BCAR1: variants seen among roughly 807,000 people sequenced by gnomAD.
BCAR1 encodes BCAR1 scaffold protein, Cas family member, also known as breast cancer anti-estrogen resistance protein 1.
A neutral mutation model predicts 67.6 loss-of-function variants in BCAR1; 30 were observed. That is an observed-to-expected ratio of 0.44 (90% CI 0.33 to 0.60). The LOEUF (loss-of-function observed/expected upper bound fraction) is 0.60. BCAR1 is among the 20% of genes least tolerant of loss of function. The pLI is 0.02. For missense variants in BCAR1, 1,313 were observed against 1,222.3 expected (o/e 1.07, Z -1.11); for synonymous variants, 626 against 556.7 (o/e 1.12, Z -1.75).
chr16:75,233,997 C>G (rs1597169270), intron 5 of BCAR1, 62 bp from the exon 6 acceptor site: 6 of 1,505,106 alleles, frequency 4.0e-6, no homozygotes, highest in Non-Finnish European at 5.4e-6. Flanking sequence ...CACAGGCCAG[C>G]CCTGTGGCGG....
Position 75,236,980 on chromosome 16 carries a change from T to TG in BCAR1, c.813dup (p.Met272HisfsTer17), listed in dbSNP as rs1220035754. ...CGGCCATTGGGACCCTTGACAGCCA[T>TG]GGGGGGTGTGTCATACACCTGGGGC... On this transcript the variant is annotated frameshift_variant, in exon 4 of 7. Transcript: ENST00000162330. LOFTEE classifies it high-confidence loss of function. 1 of 1,605,800 alleles carries TG rather than the reference T, an allele frequency of 6.2e-7. No homozygotes were observed. The highest frequency in any genetic ancestry group is 1.3e-5 in the African/African-American group (1 of 74,756).
rs140503353 is a variant in BCAR1 at position 75,235,150 on chromosome 16, C to T, written c.1749G>A (p.Ser583=). The part of the protein sequence containing the change: ...LEDLDRLVAC[S]RAVPEDAKQL... ...GCTTGGCGTCCTCGGGCACAGCCCG[C>T]GAGCAGGCCACCAGCCGGTCCAGGT... is the stretch of plus-strand genomic sequence containing the variant. Residue 583 remains serine, a synonymous_variant, in exon 5 of 7, where the codon TCG becomes TCA. Coordinates refer to ENST00000162330, the MANE Select transcript of BCAR1 (RefSeq NM_014567.5). The T allele has an allele frequency of 3.0e-4, 488 of 1,608,780 alleles. No individual in the cohort carries two copies. The highest frequency in any genetic ancestry group is 3.7e-4 in the Admixed American group (22 of 60,006).
intron 1 of BCAR1, among the ~76,000 whole-genome samples, chr16:75,265,504 C>A (rs1363125370): frequency 1.3e-5 from 2 of 151,602 alleles, no homozygotes; most frequent in Non-Finnish European, 2.9e-5. Flanking sequence ...CAGACTCCTG[C>A]CTGGCCCAGC....
Position 75,239,130 on chromosome 16 carries a change from C to A in BCAR1, c.634-1786G>T, listed in dbSNP as rs147990499. 1.0e-5 allele frequency: 10 copies of A among 983,552 alleles called. No individual in the cohort carries two copies. In the East Asian group the frequency reaches 8.0e-4, roughly 78 times the overall value. The allele number at this position is 983,552 out of a possible 1,614,324, so 60.9% of individuals were successfully genotyped here. A position where few individuals can be genotyped will look rare whatever the true frequency, so the allele number is the denominator to read the frequency against. On this transcript the variant is annotated intron_variant, in intron 2 of 6. Coordinates refer to ENST00000162330, the MANE Select transcript of BCAR1 (RefSeq NM_014567.5). ...TGTTTCTGTTAGAAAAACAGAGCAACGCAGCCACCAGGGGGAAAAGCTCTT... is the reference window on the plus strand; with the variant it reads ...TGTTTCTGTTAGAAAAACAGAGCAAAGCAGCCACCAGGGGGAAAAGCTCTT...
upstream of BCAR1, chr16:75,252,220 A>T: frequency 2.0e-6 from 3 of 1,536,548 alleles, no homozygotes; most frequent in Non-Finnish European, 2.6e-6. Flanking sequence ...AGCGCTTTTC[A>T]CGGGCAGCAC....
At chr16:75,241,143 CGT>C (rs2077325141) in intron 2 of BCAR1, among the ~76,000 whole-genome samples, 2 of 152,276 alleles carry the variant, frequency 1.3e-5, no homozygotes, top group Admixed American at 6.5e-5. Context: ...TGGACGTACA[CGT>C]GTCTGTGTGT....
chr16:75,234,799 G>A, intron 5 of BCAR1, 90 bp downstream of exon 5: 1 of 1,493,784 alleles, frequency 6.7e-7, no homozygotes. Context: ...CCTTGCCAGG[G>A]ACCAGGCCCC....
chr16:75,246,113 G>C (rs544399102), intron 1 of BCAR1: 2 of 151,480 alleles, frequency 1.3e-5, no homozygotes, highest in African/African-American at 4.9e-5. Context: ...CAAGTAGCTA[G>C]GACTACAGGC....
chr16:75,255,690 C>G (rs559241047), upstream of BCAR1, among the ~76,000 whole-genome samples: 38 of 141,548 alleles, frequency 2.7e-4, no homozygotes, highest in Non-Finnish European at 4.9e-4. Context: ...GGCTCCATCT[C>G]AAAAAAAAAA....
chr16:75,232,132 C>A (rs1167407374), intron 6 of BCAR1, among the ~76,000 whole-genome samples: 1 of 151,666 alleles, frequency 6.6e-6, no homozygotes, highest in African/African-American at 2.4e-5. Flanking sequence ...GATCCGCCCG[C>A]CTCGGCACCC....
Position 75,235,245 on chromosome 16 carries a change from G to C in BCAR1, c.1654C>G (p.His552Asp). ...TGACCATGTGCCACCAGCGTCTGGT[G>C]CACGTCCTCCATCTTCTGCAGCTGC... Reference protein sequence around the residue: ...SRQLQKMEDVHQTLVAHGQAL... With the variant: ...SRQLQKMEDVDQTLVAHGQAL... Residue 552 changes from histidine (H) to aspartate (D), a missense_variant, in exon 5 of 7, where the codon CAC becomes GAC. Transcript: ENST00000162330. 6.2e-7 allele frequency: 1 copy of C among 1,606,962 alleles called. No homozygotes were observed. Among genetic ancestry groups the C allele is most frequent in the South Asian group, 1.1e-5 (1 of 90,986 alleles).
At chr16:75,230,329 G>A (rs1042819793) in intron 6 of BCAR1, among the ~76,000 whole-genome samples, 2 of 152,152 alleles carry the variant, frequency 1.3e-5, no homozygotes, top group African/African-American at 4.8e-5. Context: ...CACCGTCCTG[G>A]CTTGGGTACT....
At chr16:75,236,384 T>C (rs951234722) in intron 4 of BCAR1, 7 of 319,320 alleles carry the variant, frequency 2.2e-5, no homozygotes, top group Non-Finnish European at 4.0e-5. Context: ...CACCATCATA[T>C]CATGATTTCA....
At position 75,235,969 on chromosome 16, in the gene BCAR1, T is replaced by C. The variant is rs571705039; in HGVS notation, c.930A>G (p.Pro310=). 213 of 1,574,344 alleles carry C rather than the reference T, an allele frequency of 1.4e-4. No homozygotes were observed. Among genetic ancestry groups the C allele is most frequent in the Non-Finnish European group, 1.7e-4 (192 of 1,159,328 alleles). Residue 310 remains proline, a synonymous_variant, in exon 5 of 7, where the codon CCA becomes CCG. Coordinates refer to ENST00000162330, the MANE Select transcript of BCAR1 (RefSeq NM_014567.5). The part of the protein sequence containing the change: ...SNHHAVYDVP[P]SVSKDVPDGP... ...CATCGGGCACATCCTTGCTCACCGATGGAGGAACGTCGTAGACCTGGGGGA... is the reference window on the plus strand; with the variant it reads ...CATCGGGCACATCCTTGCTCACCGACGGAGGAACGTCGTAGACCTGGGGGA...
chr16:75,251,436 C>G, intron 1 of BCAR1, 35 bp downstream of exon 1: 1 of 1,470,136 alleles, frequency 6.8e-7, no homozygotes, highest in Non-Finnish European at 9.0e-7. Flanking sequence ...CGCCTCCAAG[C>G]CCGTACGCGG....
chr16:75,238,536 G>A (rs2077220230), intron 2 of BCAR1: 10 of 992,460 alleles, frequency 1.0e-5, no homozygotes, highest in African/African-American at 1.7e-5. Context: ...TGAGGGGGGC[G>A]CTGAGCATGG....
Position 75,233,906 on chromosome 16 carries a change from C to A in BCAR1, c.2040G>T (p.Lys680Asn). ...QGKEEFEKTQKELLEKGSITR... is the reference protein window; with the variant it reads ...QGKEEFEKTQNELLEKGSITR... ...TGATGCTGCCCTTTTCCAGCAGCTCCTTCTGGGTCTTCTCAAACTCCTCCT... is the reference window on the plus strand; with the variant it reads ...TGATGCTGCCCTTTTCCAGCAGCTCATTCTGGGTCTTCTCAAACTCCTCCT... Residue 680 changes from lysine to asparagine, a missense_variant, in exon 6 of 7, where the codon AAG (lysine) becomes AAT (asparagine). Physicochemically the swap from Lys to Asn is moderately conservative, Grantham distance 94 (BLOSUM62 0). Around this residue, in one of 2 missense-constraint regions of BCAR1, gnomAD observed 1,272 missense variants for 1,137.5 expected, o/e 1.12. Transcript: ENST00000162330. 3 of 1,610,046 alleles carry A rather than the reference C, an allele frequency of 1.9e-6. No homozygotes were observed. The highest frequency in any genetic ancestry group is 2.5e-6 in the Non-Finnish European group (3 of 1,178,330).
rs1439319312 is a variant in BCAR1, at chr16:75,234,918, T to A, written c.1981A>T (p.Met661Leu). The A allele has an allele frequency of 2.6e-6, 4 of 1,551,878 alleles. No homozygotes were observed. Among genetic ancestry groups the A allele is most frequent in the Admixed American group, 1.8e-5 (1 of 55,274 alleles). The change falls in exon 5 of 7, where the codon ATG becomes TTG. Residue 661 changes from methionine to leucine, a missense_variant. This residue lies in a region of BCAR1 where 1,272 missense variants were observed against 1,137.5 expected (regional missense o/e 1.12). Coordinates refer to ENST00000162330, the MANE Select transcript of BCAR1 (RefSeq NM_014567.5). ...AGGTGGACGTAGTCATAGTCCTCCATCCAGCCCCCCTCGCTGTTCTCGTAC... is the reference window on the plus strand; with the variant it reads ...AGGTGGACGTAGTCATAGTCCTCCAACCAGCCCCCCTCGCTGTTCTCGTAC... ...GQYENSEGGW[M>L]EDYDYVHLQG...
chr16:75,261,981 C>A (rs1292552451), intron 1 of BCAR1, among the ~76,000 whole-genome samples: 1 of 152,200 alleles, frequency 6.6e-6, no homozygotes, highest in Non-Finnish European at 1.5e-5. Flanking sequence ...CAAATTCTCA[C>A]AAAATCCCAG....
Sources: gnomAD v4.1 joint callset for allele counts (sites outside exome capture counted in the v4.1 genomes callset) on GRCh38, gnomAD v4.1.1 for gene constraint, gnomAD v4.1.1 regional missense constraint, MANE v1.5 for transcripts, NCBI Gene and HGNC (gene_info 2026-07-23, HGNC 2026-07-21) for gene names.